The following WWC2 variants were observed in gnomAD, a reference collection of about 807,000 sequenced individuals.
The protein encoded by WWC2 is protein WWC2.
A neutral mutation model predicts 138.5 loss-of-function variants in WWC2; 101 were observed. The ratio of observed to expected loss-of-function variants is 0.73; its 90% CI spans 0.62 to 0.86. WWC2 has a LOEUF of 0.86. WWC2 is among the 40% of genes least tolerant of loss of function. The pLI is 0.00. For missense variants in WWC2, 1,420 were observed against 1,419.4 expected (o/e 1.00, Z -0.01); for synonymous variants, 558 against 538.4 (o/e 1.04, Z -0.50).
chr4:183,291,199 A>G (rs1282456383), intron 21 of WWC2, among the ~76,000 whole-genome samples: 1 of 152,180 alleles, frequency 6.6e-6, no homozygotes, highest in Non-Finnish European at 1.5e-5. Context: ...TGGGGAAGTC[A>G]TGAGAGGTTT....
chr4:183,120,735 T>C (rs1732571772), intron 1 of WWC2, among the ~76,000 whole-genome samples: 2 of 152,192 alleles, frequency 1.3e-5, no homozygotes, highest in South Asian at 4.1e-4. Flanking sequence ...TTAATTTTGG[T>C]ATAAGTTGGA....
intron 1 of WWC2, among the ~76,000 whole-genome samples, chr4:183,105,099 C>T (rs192264375): frequency 3.9e-5 from 6 of 151,942 alleles, no homozygotes; most frequent in Middle Eastern, 3.2e-3. Context: ...AGTAGAGATG[C>T]GGTATCACCA....
chr4:183,194,071 G>A (rs995349406), intron 2 of WWC2, among the ~76,000 whole-genome samples: 1 of 152,194 alleles, frequency 6.6e-6, no homozygotes, highest in Non-Finnish European at 1.5e-5. Flanking sequence ...GTTTGCCACA[G>A]AAAGACTTGG....
intron 1 of WWC2, among the ~76,000 whole-genome samples, chr4:183,119,704 T>C (rs781249366): frequency 6.6e-5 from 10 of 152,194 alleles, no homozygotes; most frequent in Non-Finnish European, 1.3e-4. Context: ...CAGATATAAC[T>C]TAGGATAACT....
intron 21 of WWC2, among the ~76,000 whole-genome samples, chr4:183,311,897 T>TA (rs1739259945): frequency 6.6e-6 from 1 of 152,192 alleles, no homozygotes; most frequent in Admixed American, 6.5e-5. Flanking sequence ...TTTTGATTGG[T>TA]AAATTCTACG....
chr4:183,170,170 A>G (rs1226396899), intron 1 of WWC2, among the ~76,000 whole-genome samples: 3 of 152,318 alleles, frequency 2.0e-5, no homozygotes, highest in African/African-American at 7.2e-5. Flanking sequence ...ATTAACAGTT[A>G]TTGTGCCGTT....
At chr4:183,149,424 A>ACCAGC (rs1452893969) in intron 1 of WWC2, among the ~76,000 whole-genome samples, 1 of 152,114 alleles carries the variant, frequency 6.6e-6, no homozygotes, top group Non-Finnish European at 1.5e-5. Context: ...GGAGTTTGAG[A>ACCAGC]CCAGCCTGAC....
At chr4:183,112,163 A>G (rs868786505) in intron 1 of WWC2, among the ~76,000 whole-genome samples, 1 of 152,240 alleles carries the variant, frequency 6.6e-6, no homozygotes, top group African/African-American at 2.4e-5. Context: ...TTGAAAGACT[A>G]CAAAACTAAC....
chr4:183,240,187 A>G lies in WWC2; in HGVS notation c.527A>G (p.Lys176Arg). ...AEISTTRLRV[K>R]KLKRELSQMK... ...TATGTTGATTTCTCTTTAAAGGTTAAAAAGCTAAAGAGAGAGCTCTCACAG... is the reference window on the plus strand; with the variant it reads ...TATGTTGATTTCTCTTTAAAGGTTAGAAAGCTAAAGAGAGAGCTCTCACAG... Residue 176 changes from lysine to arginine, a missense_variant, in exon 5 of 23, where the codon AAA becomes AGA. Lys to Arg is a conservative substitution (Grantham distance 26). Coordinates refer to ENST00000403733, the MANE Select transcript of WWC2 (RefSeq NM_024949.6). 1 of 1,545,994 alleles carries G rather than the reference A, an allele frequency of 6.5e-7. No homozygotes were observed. The highest frequency in any genetic ancestry group is 8.7e-7 in the Non-Finnish European group (1 of 1,145,712).
At chr4:183,201,778 C>T (rs904622743) in intron 2 of WWC2, among the ~76,000 whole-genome samples, 9 of 152,174 alleles carry the variant, frequency 5.9e-5, no homozygotes, top group African/African-American at 2.2e-4. Context: ...CTGGGCATTC[C>T]AGAAAATTGA....
chr4:183,099,275 C>G lies in WWC2; in HGVS notation c.-217C>G. On this transcript the variant is annotated 5_prime_UTR_variant, in exon 1 of 23. Coordinates refer to ENST00000403733, the MANE Select transcript of WWC2 (RefSeq NM_024949.6). Reference sequence around the variant, plus strand: ...GGGAGGAGGGTTCGCTCGCCGGCTCCGACGCAGACATGGTGGACTGATCCG... The same window carrying G: ...GGGAGGAGGGTTCGCTCGCCGGCTCGGACGCAGACATGGTGGACTGATCCG... The G allele has an allele frequency of 3.6e-6, 1 of 277,174 alleles. No homozygotes were observed. Among genetic ancestry groups the G allele is most frequent in the Non-Finnish European group, 6.2e-6 (1 of 161,928 alleles). 17.2% of individuals were successfully genotyped at this position (277,174 alleles called of 1,614,324 possible).
chr4:183,116,387 C>T (rs570456027), intron 1 of WWC2, among the ~76,000 whole-genome samples: 1 of 152,306 alleles, frequency 6.6e-6, no homozygotes, highest in African/African-American at 2.4e-5. Context: ...TGTGCAAGCT[C>T]TTAGTAACTA....
At chr4:183,275,985 T>C (rs1737843066) in intron 16 of WWC2, among the ~76,000 whole-genome samples, 1 of 152,158 alleles carries the variant, frequency 6.6e-6, no homozygotes, top group Non-Finnish European at 1.5e-5. Context: ...GAGTCTGTTA[T>C]TAGGTAAAGT....
At position 183,269,119 on chromosome 4, in the gene WWC2, G is replaced by A. The variant is rs1737612574; in HGVS notation, c.2356G>A (p.Val786Ile). Residue 786 changes from valine to isoleucine, a missense_variant, in exon 15 of 23, where the codon GTA (valine) becomes ATA (isoleucine). Physicochemically the swap from Val to Ile is conservative, Grantham distance 29 (BLOSUM62 3). Coordinates refer to ENST00000403733, the MANE Select transcript of WWC2 (RefSeq NM_024949.6). Reference sequence around the variant, plus strand: ...AGCCTTACAACAGAAGACACTGAGGGTAGACCTTTGCTCTGTCAGTAAACA... The same window carrying A: ...AGCCTTACAACAGAAGACACTGAGGATAGACCTTTGCTCTGTCAGTAAACA... ...QTALQQKTLR[V>I]DLCSVSKHRR... is the part of the protein sequence containing the mutation. 1 of 1,613,776 alleles carries A rather than the reference G, an allele frequency of 6.2e-7. No individual in the cohort carries two copies. Among genetic ancestry groups the A allele is most frequent in the Non-Finnish European group, 8.5e-7 (1 of 1,179,856 alleles).
intron 1 of WWC2, among the ~76,000 whole-genome samples, chr4:183,191,884 T>C (rs561559673): frequency 1.3e-5 from 2 of 152,146 alleles, no homozygotes; most frequent in East Asian, 3.9e-4. Flanking sequence ...TGAGCCACAA[T>C]GCCTGGCTAA....
chr4:183,129,297 T>C (rs937030289), intron 1 of WWC2, among the ~76,000 whole-genome samples: 2 of 152,184 alleles, frequency 1.3e-5, no homozygotes, highest in African/African-American at 4.8e-5. Context: ...GTATCTCTTA[T>C]GACTGGATGA....
chr4:183,274,896 T>TGAAA (rs1451912554), intron 16 of WWC2, among the ~76,000 whole-genome samples: 1 of 152,172 alleles, frequency 6.6e-6, no homozygotes, highest in Non-Finnish European at 1.5e-5. Flanking sequence ...ATCCATCACC[T>TGAAA]GAAACATTTA....
intron 1 of WWC2, among the ~76,000 whole-genome samples, chr4:183,118,091 C>T (rs1732480818): frequency 6.6e-6 from 1 of 152,194 alleles, no homozygotes; most frequent in African/African-American, 2.4e-5. Context: ...AGCCACTGCG[C>T]CTGGCCGGTT....
chr4:183,225,642 C>T (rs1369142490), intron 4 of WWC2, among the ~76,000 whole-genome samples: 2 of 152,192 alleles, frequency 1.3e-5, no homozygotes, highest in Non-Finnish European at 2.9e-5. Context: ...AATGCAATAA[C>T]TAACAGGATG....
Sources: gnomAD v4.1 joint callset for allele counts (sites outside exome capture counted in the v4.1 genomes callset) on GRCh38, gnomAD v4.1.1 for gene constraint, MANE v1.5 for transcripts, NCBI Gene and HGNC (gene_info 2026-07-23, HGNC 2026-07-21) for gene names.